The following NKAIN2 variants were observed in gnomAD, a reference collection of about 807,000 sequenced individuals.
NKAIN2 encodes sodium/potassium-transporting ATPase subunit beta-1-interacting protein 2.
A neutral mutation model predicts 32.6 loss-of-function variants in NKAIN2; 14 were observed. The ratio of observed to expected loss-of-function variants is 0.43; its 90% CI spans 0.28 to 0.67. NKAIN2 has a LOEUF of 0.67. NKAIN2 is among the 30% of genes least tolerant of loss of function. The pLI is 0.17. For synonymous variants in NKAIN2, 80 were observed against 87.2 expected (o/e 0.92, Z 0.46); for missense variants, 198 against 258.3 (o/e 0.77, Z 1.60).
intron 3 of NKAIN2, among the ~76,000 whole-genome samples, chr6:124,519,931 G>T (rs1464234011): frequency 3.9e-5 from 6 of 152,096 alleles, no homozygotes; most frequent in African/African-American, 1.4e-4. Flanking sequence ...ACTCTTTACA[G>T]TCATGATCTC....
intron 1 of NKAIN2, among the ~76,000 whole-genome samples, chr6:123,952,207 T>C (rs1239537260): frequency 6.6e-6 from 1 of 152,166 alleles, no homozygotes; most frequent in East Asian, 1.9e-4. Context: ...TTCAGCACTT[T>C]GAATATATCA....
intron 1 of NKAIN2, among the ~76,000 whole-genome samples, chr6:124,099,492 A>G (rs1222883004): frequency 6.6e-6 from 1 of 152,244 alleles, no homozygotes; most frequent in Non-Finnish European, 1.5e-5. Context: ...GCTTAATTAT[A>G]TATACCAATG....
intron 1 of NKAIN2, among the ~76,000 whole-genome samples, chr6:124,233,739 A>G (rs1792587148): frequency 6.6e-6 from 1 of 152,202 alleles, no homozygotes; most frequent in Admixed American, 6.5e-5. Flanking sequence ...GGGACATTAC[A>G]TAACATGTGA....
chr6:124,109,529 G>A (rs925626731), intron 1 of NKAIN2, among the ~76,000 whole-genome samples: 1 of 151,946 alleles, frequency 6.6e-6, no homozygotes, highest in South Asian at 2.1e-4. Context: ...GTGTATATAT[G>A]AATACATATA....
At chr6:124,171,856 T>G (rs1788895222) in intron 1 of NKAIN2, among the ~76,000 whole-genome samples, 1 of 145,694 alleles carries the variant, frequency 6.9e-6, no homozygotes, top group Admixed American at 6.8e-5. Context: ...CCGACTCTTT[T>G]TTTTTTTTGA....
intron 3 of NKAIN2, among the ~76,000 whole-genome samples, chr6:124,561,846 A>C (rs1780707092): frequency 6.6e-6 from 1 of 152,248 alleles, no homozygotes; most frequent in Non-Finnish European, 1.5e-5. Flanking sequence ...ATCCATCTGC[A>C]GCTGTCAGCT....
chr6:124,083,030 CAT>C (rs1234123063), intron 1 of NKAIN2, among the ~76,000 whole-genome samples: 3 of 151,890 alleles, frequency 2.0e-5, no homozygotes, highest in African/African-American at 7.2e-5. Context: ...ATCTAGAAAA[CAT>C]AGACTGCTTT....
chr6:124,162,392 G>A (rs1253019064), intron 1 of NKAIN2, among the ~76,000 whole-genome samples: 1 of 152,050 alleles, frequency 6.6e-6, no homozygotes, highest in Admixed American at 6.6e-5. Context: ...CATTGAATGA[G>A]ATGGTATTAA....
At chr6:124,696,114 GA>G (rs1387101462) in intron 4 of NKAIN2, among the ~76,000 whole-genome samples, 2 of 152,124 alleles carry the variant, frequency 1.3e-5, no homozygotes, top group Non-Finnish European at 2.9e-5. Flanking sequence ...CAGGTAGGAG[GA>G]AGGACCTCTG....
intron 4 of NKAIN2, among the ~76,000 whole-genome samples, chr6:124,682,164 AAC>A (rs1381985471): frequency 2.6e-5 from 4 of 152,048 alleles, no homozygotes; most frequent in South Asian, 2.1e-4. Context: ...AATTATTAGT[AAC>A]ACAGTTAAAT....
At chr6:124,086,278 A>T (rs751257079) in intron 1 of NKAIN2, among the ~76,000 whole-genome samples, 11 of 151,982 alleles carry the variant, frequency 7.2e-5, no homozygotes, top group Admixed American at 3.3e-4. Context: ...TGGTTAGTAA[A>T]CTTTGGAGTT....
At chr6:124,246,397 T>A (rs892164743) in intron 1 of NKAIN2, among the ~76,000 whole-genome samples, 3 of 152,072 alleles carry the variant, frequency 2.0e-5, no homozygotes, top group African/African-American at 7.2e-5. Context: ...CCAAATCTTC[T>A]TGAAGGGGCC....
chr6:124,218,039 A>C (rs1277052913), intron 1 of NKAIN2, among the ~76,000 whole-genome samples: 3 of 152,040 alleles, frequency 2.0e-5, no homozygotes, highest in African/African-American at 7.2e-5. Flanking sequence ...GAGTAACAAA[A>C]GGAAAAAGAG....
intron 3 of NKAIN2, among the ~76,000 whole-genome samples, chr6:124,409,318 T>C (rs376002477): frequency 1.1e-4 from 16 of 152,128 alleles, no homozygotes; most frequent in African/African-American, 3.6e-4. Context: ...CAGTATGATA[T>C]TGGCTGTGGG....
At chr6:124,590,041 A>G (rs764078539) in intron 3 of NKAIN2, among the ~76,000 whole-genome samples, 1 of 152,136 alleles carries the variant, frequency 6.6e-6, no homozygotes, top group African/African-American at 2.4e-5. Context: ...CTTTTCACCC[A>G]CATCACTTCC....
At chr6:123,968,855 C>A (rs1049110352) in intron 1 of NKAIN2, among the ~76,000 whole-genome samples, 1 of 152,108 alleles carries the variant, frequency 6.6e-6, no homozygotes, top group African/African-American at 2.4e-5. Flanking sequence ...GAGCCTTCAC[C>A]CTCCTCAGAG....
At chr6:124,775,025 C>A (rs1167862420) in intron 4 of NKAIN2, among the ~76,000 whole-genome samples, 2 of 152,030 alleles carry the variant, frequency 1.3e-5, no homozygotes, top group Admixed American at 1.3e-4. Flanking sequence ...GGTTTAATTT[C>A]CTGACCTCTA....
At chr6:124,760,108 C>T (rs1778189855) in intron 4 of NKAIN2, among the ~76,000 whole-genome samples, 1 of 151,972 alleles carries the variant, frequency 6.6e-6, no homozygotes, top group Non-Finnish European at 1.5e-5. Context: ...ATGTTCTTTG[C>T]AGGAACATGG....
At chr6:123,991,250 G>T (rs1779396981) in intron 1 of NKAIN2, among the ~76,000 whole-genome samples, 2 of 152,120 alleles carry the variant, frequency 1.3e-5, no homozygotes, top group Non-Finnish European at 2.9e-5. Context: ...GATACTTAAT[G>T]AGTACATAAA....
Sources: allele counts gnomAD v4.1 joint callset (sites outside exome capture counted in the v4.1 genomes callset), GRCh38; gene constraint gnomAD v4.1.1; transcripts MANE v1.5; gene names NCBI Gene and HGNC (gene_info 2026-07-23, HGNC 2026-07-21).